Variants in TOM1L2 observed in about 807,000 individuals in gnomAD.
TOM1L2 encodes target of myb1 like 2 membrane trafficking protein, also known as TOM1-like protein 2.
In TOM1L2, 31 loss-of-function variants were observed where a neutral mutation model predicts 67.9. The observed-to-expected ratio is 0.46, with a 90% CI of 0.34 to 0.62. The LOEUF (loss-of-function observed/expected upper bound fraction) is 0.62. Among genes scored for constraint, TOM1L2 ranks in the 20% least tolerant of loss-of-function variants. The pLI is 0.01. For missense variants in TOM1L2, 606 were observed against 663.5 expected (o/e 0.91, Z 0.95); for synonymous variants, 256 against 254.0 (o/e 1.01, Z -0.07).
chr17:17,891,084 C>T (rs2038247508), intron 4 of TOM1L2, among the ~76,000 whole-genome samples: 1 of 152,230 alleles, frequency 6.6e-6, no homozygotes, highest in South Asian at 2.1e-4. Context: ...GAAGCCCATG[C>T]TTTTCACAGC....
In TOM1L2 at chr17:17,845,960, C is replaced by G. The variant is rs897141752; in HGVS notation, c.*1675G>C. The G allele has an allele frequency of 1.3e-5, 2 of 152,374 alleles. No individual in the cohort carries two copies. Among genetic ancestry groups the G allele is most frequent in the Non-Finnish European group, 2.9e-5 (2 of 68,148 alleles). The allele number at this position is 152,374 out of a possible 1,614,324, so 9.4% of individuals were successfully genotyped here. ...GAGTGAGACATCCCAGCTAGTCCCA[C>G]CCTCAGCCAGACAGAGGTTTCCTCT... On this transcript the variant is annotated 3_prime_UTR_variant, in exon 15 of 15. Transcript: ENST00000379504.
At chr17:17,878,946 C>G (rs2037567873) in intron 7 of TOM1L2, among the ~76,000 whole-genome samples, 1 of 152,346 alleles carries the variant, frequency 6.6e-6, no homozygotes, top group South Asian at 2.1e-4. Context: ...AGGTGGGGGC[C>G]TTGACCCTGG....
chr17:17,945,432 C>G (rs748412305), intron 1 of TOM1L2, among the ~76,000 whole-genome samples: 1 of 152,146 alleles, frequency 6.6e-6, no homozygotes, highest in Non-Finnish European at 1.5e-5. Context: ...TGAGAGAACA[C>G]TTATACATCA....
intron 1 of TOM1L2, among the ~76,000 whole-genome samples, chr17:17,934,453 C>A (rs546876643): frequency 6.6e-6 from 1 of 152,164 alleles, no homozygotes; most frequent in East Asian, 1.9e-4. Context: ...AAAATAAAAA[C>A]CACACAAAAA....
chr17:17,966,434 C>CA (rs900058671), intron 1 of TOM1L2, among the ~76,000 whole-genome samples: 20 of 152,298 alleles, frequency 1.3e-4, no homozygotes, highest in African/African-American at 4.8e-4. Context: ...AACAGAACTT[C>CA]AAAGCAAGAA....
chr17:17,950,878 T>C (rs901562694), intron 1 of TOM1L2, among the ~76,000 whole-genome samples: 1 of 152,166 alleles, frequency 6.6e-6, no homozygotes, highest in Non-Finnish European at 1.5e-5. Flanking sequence ...TGGGAAAACC[T>C]AGGCCAGAGC....
At chr17:17,856,061 G>C (rs971919951) in intron 12 of TOM1L2, among the ~76,000 whole-genome samples, 8 of 152,238 alleles carry the variant, frequency 5.3e-5, no homozygotes, top group African/African-American at 1.7e-4. Flanking sequence ...CTCTACGTGG[G>C]ACCTGGCAGT....
intron 1 of TOM1L2, among the ~76,000 whole-genome samples, chr17:17,971,644 C>CT (rs1281182163): frequency 1.3e-5 from 2 of 151,534 alleles, no homozygotes. Flanking sequence ...TTTGGGAGAA[C>CT]TGGGTCCTTG....
At chr17:17,863,691 G>C (rs2036687820) in intron 10 of TOM1L2, among the ~76,000 whole-genome samples, 1 of 151,780 alleles carries the variant, frequency 6.6e-6, no homozygotes, top group African/African-American at 2.4e-5. Context: ...TAGGACTACA[G>C]GTATGTGCCA....
chr17:17,881,454 C>A (rs2037718542), intron 6 of TOM1L2, among the ~76,000 whole-genome samples: 1 of 152,232 alleles, frequency 6.6e-6, no homozygotes, highest in South Asian at 2.1e-4. Flanking sequence ...CAAGCACCTC[C>A]CACACTTTGA....
At chr17:17,876,276 T>G (rs765794471) in intron 7 of TOM1L2, among the ~76,000 whole-genome samples, 5 of 152,162 alleles carry the variant, frequency 3.3e-5, no homozygotes, top group Non-Finnish European at 7.3e-5. Context: ...ATGACAAAGA[T>G]AGGCTTAACC....
At chr17:17,874,080 C>T (rs371740816) in intron 7 of TOM1L2, among the ~76,000 whole-genome samples, 6 of 151,762 alleles carry the variant, frequency 4.0e-5, no homozygotes, top group South Asian at 2.1e-4. Context: ...CTCAGCCTTC[C>T]GAGTAGCTGG....
Position 17,844,521 on chromosome 17 carries a change from C to A in TOM1L2, c.*3114G>T, listed in dbSNP as rs1479919190. 6.6e-6 allele frequency: 1 copy of A among 152,364 alleles called. No individual in the cohort carries two copies. The highest frequency in any genetic ancestry group is 2.4e-5 in the African/African-American group (1 of 41,468). 9.4% of individuals were successfully genotyped at this position (152,364 alleles called of 1,614,324 possible). A position where few individuals can be genotyped will look rare whatever the true frequency, so the allele number is the denominator to read the frequency against. On this transcript the variant is annotated 3_prime_UTR_variant, in exon 15 of 15. Coordinates refer to ENST00000379504, the MANE Select transcript of TOM1L2 (RefSeq NM_001082968.2). Reference sequence around the variant, plus strand: ...AGACAGGAGGACAGACGGATGGTCACCTTTCCCTCTAGCCCAGGCCAGCAA... The same window carrying A: ...AGACAGGAGGACAGACGGATGGTCAACTTTCCCTCTAGCCCAGGCCAGCAA...
chr17:17,952,319 T>C (rs1360573099), intron 1 of TOM1L2, among the ~76,000 whole-genome samples: 3 of 150,438 alleles, frequency 2.0e-5, no homozygotes, highest in African/African-American at 7.3e-5. Context: ...CTGGGGAGCC[T>C]AGTTGGGCTG....
At chr17:17,956,097 C>A (rs2041431436) in intron 1 of TOM1L2, among the ~76,000 whole-genome samples, 1 of 152,162 alleles carries the variant, frequency 6.6e-6, no homozygotes, top group African/African-American at 2.4e-5. Flanking sequence ...AACAAAGCCT[C>A]CCCCGCACGA....
At chr17:17,851,056 C>T (rs1010654883) in intron 12 of TOM1L2, 104 bp from the exon 13 acceptor site, 9 of 1,294,476 alleles carry the variant, frequency 7.0e-6, no homozygotes, top group Middle Eastern at 1.8e-4. Flanking sequence ...CCAAATAAAA[C>T]CAAAATGTAC....
In TOM1L2 at chr17:17,869,486, T is replaced by A; in HGVS notation, c.778-13A>T. On this transcript the variant is annotated splice_polypyrimidine_tract_variant and intron_variant, in intron 7 of 14. Coordinates refer to ENST00000379504, the MANE Select transcript of TOM1L2 (RefSeq NM_001082968.2). The stretch of plus-strand genomic sequence containing the variant: ...TCCTGTTGAGCTCCTAGGGAACACA[T>A]GCACCTCTGGGTAGCCTGCTGGGTG... 6.3e-7 allele frequency: 1 copy of A among 1,597,044 alleles called. No homozygotes were observed. The highest frequency in any genetic ancestry group is 1.1e-5 in the South Asian group (1 of 89,218).
chr17:17,940,760 G>C (rs2040700086), intron 1 of TOM1L2, among the ~76,000 whole-genome samples: 2 of 152,168 alleles, frequency 1.3e-5, no homozygotes, highest in South Asian at 4.1e-4. Context: ...GTTTCAAAGG[G>C]AACAGTTTTA....
intron 1 of TOM1L2, among the ~76,000 whole-genome samples, chr17:17,918,442 A>T (rs980161412): frequency 1.3e-5 from 2 of 152,164 alleles, no homozygotes; most frequent in Non-Finnish European, 2.9e-5. Context: ...CGTTGCGCCT[A>T]TATATATTTT....
Sources: gnomAD v4.1 joint callset for allele counts (sites outside exome capture counted in the v4.1 genomes callset) on GRCh38, gnomAD v4.1.1 for gene constraint, MANE v1.5 for transcripts, NCBI Gene and HGNC (gene_info 2026-07-23, HGNC 2026-07-21) for gene names.